Variants in NRG3 observed in about 807,000 individuals in gnomAD.
The protein encoded by NRG3 is pro-neuregulin-3, membrane-bound isoform.
Under a neutral mutation model 66.9 loss-of-function variants are expected in NRG3, and 31 were observed. The observed-to-expected ratio is 0.46, with a 90% CI of 0.35 to 0.63. NRG3 has a LOEUF of 0.63. Ranked by LOEUF, NRG3 falls within the 20% of genes least tolerant of loss-of-function variation. NRG3 has a pLI of 0.00. For synonymous variants in NRG3, 393 were observed against 359.4 expected (o/e 1.09, Z -1.06); for missense variants, 910 against 878.9 (o/e 1.04, Z -0.45).
intron 1 of NRG3, among the ~76,000 whole-genome samples, chr10:82,305,096 G>T (rs1433560710): frequency 7.2e-6 from 1 of 138,278 alleles, no homozygotes. Flanking sequence ...CTGGGTTCAC[G>T]CCATTCTCCT....
chr10:82,760,897 A>G (rs2059277625), intron 3 of NRG3, among the ~76,000 whole-genome samples: 1 of 151,960 alleles, frequency 6.6e-6, no homozygotes, highest in Non-Finnish European at 1.5e-5. Flanking sequence ...TAAACTAAGT[A>G]TATATTGTAA....
chr10:82,068,574 C>T (rs753931288), intron 1 of NRG3, among the ~76,000 whole-genome samples: 15 of 152,084 alleles, frequency 9.9e-5, no homozygotes, highest in Non-Finnish European at 4.4e-5. Context: ...GCACAGGATG[C>T]TGTAAGAACA....
intron 3 of NRG3, among the ~76,000 whole-genome samples, chr10:82,751,029 C>T (rs1056730569): frequency 2.0e-4 from 30 of 152,208 alleles, no homozygotes; most frequent in African/African-American, 5.1e-4. Flanking sequence ...GTACATGATA[C>T]GCACTTGACA....
chr10:82,248,440 C>G (rs1172682297), intron 1 of NRG3, among the ~76,000 whole-genome samples: 1 of 152,120 alleles, frequency 6.6e-6, no homozygotes, highest in Admixed American at 6.5e-5. Context: ...CGTGAGAGAG[C>G]AGAGTGGAGA....
At chr10:82,442,784 ATTTTTTTTTTTT>A (rs61261285) in intron 2 of NRG3, among the ~76,000 whole-genome samples, 21 of 54,278 alleles carry the variant, frequency 3.9e-4, no homozygotes, top group African/African-American at 1.2e-3. Flanking sequence ...TTCTGTGTGG[ATTTTTTTTTTTT>A]TTTTTTTTTT....
chr10:81,965,321 G>A (rs2059691029), intron 1 of NRG3, among the ~76,000 whole-genome samples: 1 of 152,142 alleles, frequency 6.6e-6, no homozygotes, highest in Non-Finnish European at 1.5e-5. Context: ...TAGATGTGGG[G>A]ACTTAGACAA....
intron 2 of NRG3, among the ~76,000 whole-genome samples, chr10:82,402,944 C>CT (rs1462693281): frequency 3.3e-5 from 5 of 152,164 alleles, no homozygotes; most frequent in African/African-American, 9.6e-5. Flanking sequence ...GAGTTTTTAA[C>CT]TTTTTTTAAA....
intron 3 of NRG3, among the ~76,000 whole-genome samples, chr10:82,783,117 C>T (rs1169890934): frequency 6.6e-6 from 1 of 152,092 alleles, no homozygotes; most frequent in East Asian, 1.9e-4. Context: ...CCACGACTAT[C>T]TCAATAGATA....
rs569594323 is a variant in NRG3, at chr10:82,941,139, A to C, written c.1055-10330A>C. Reference sequence around the variant, plus strand: ...GACTGGAGGCCCCCCACCCCCAGGCAGCTTTCTCAGGGTTGCTTGTAGCAA... The same window carrying C: ...GACTGGAGGCCCCCCACCCCCAGGCCGCTTTCTCAGGGTTGCTTGTAGCAA... On this transcript the variant is annotated intron_variant, in intron 4 of 8. Coordinates refer to ENST00000372141, the MANE Select transcript of NRG3 (RefSeq NM_001010848.4). Among the ~76,000 whole-genome samples, 13 of 152,114 alleles carry C rather than the reference A, an allele frequency of 8.5e-5. No homozygotes were observed. In the South Asian group the frequency reaches 2.7e-3, roughly 32 times the overall value.
intron 1 of NRG3, among the ~76,000 whole-genome samples, chr10:82,291,941 G>T (rs1198009477): frequency 6.6e-6 from 1 of 152,056 alleles, no homozygotes; most frequent in African/African-American, 2.4e-5. Flanking sequence ...CTTGACACCA[G>T]ACTCAATACA....
At chr10:82,835,579 T>C (rs961425054) in intron 3 of NRG3, among the ~76,000 whole-genome samples, 4 of 152,132 alleles carry the variant, frequency 2.6e-5, no homozygotes, top group East Asian at 3.9e-4. Context: ...TCTTACAGTC[T>C]CAATCCCTCA....
chr10:82,532,601 A>G (rs1735213549), intron 2 of NRG3, among the ~76,000 whole-genome samples: 1 of 148,126 alleles, frequency 6.8e-6, no homozygotes, highest in Non-Finnish European at 1.5e-5. Context: ...ATATATGTAT[A>G]TATGTATATA....
intron 2 of NRG3, among the ~76,000 whole-genome samples, chr10:82,506,735 T>A (rs934859706): frequency 1.3e-5 from 2 of 152,140 alleles, no homozygotes; most frequent in African/African-American, 4.8e-5. Flanking sequence ...AGTCTAACAA[T>A]TTTTTATGCA....
intron 1 of NRG3, among the ~76,000 whole-genome samples, chr10:81,902,944 A>C (rs767646963): frequency 6.6e-5 from 10 of 152,208 alleles, no homozygotes; most frequent in Non-Finnish European, 1.3e-4. Context: ...TGTAAACAAC[A>C]TCTCACTCAG....
intron 1 of NRG3, among the ~76,000 whole-genome samples, chr10:82,199,124 T>G (rs1161154696): frequency 1.3e-5 from 2 of 149,908 alleles, no homozygotes; most frequent in Admixed American, 6.7e-5. Context: ...AGCTGAGACC[T>G]TGCTACCCCT....
intron 2 of NRG3, among the ~76,000 whole-genome samples, chr10:82,691,078 G>A (rs2134201204): frequency 6.6e-6 from 1 of 151,910 alleles, no homozygotes; most frequent in East Asian, 1.9e-4. Flanking sequence ...AGTGGCTTAT[G>A]ATGCACCCGA....
chr10:82,715,699 T>G lies in NRG3; in HGVS notation c.954-22878T>G, dbSNP rs113159001. Among the ~76,000 whole-genome samples, 766 of 152,318 alleles carry G rather than the reference T, an allele frequency of 5.0e-3. 6 individuals are homozygous for G. The highest frequency in any genetic ancestry group is 0.018 in the African/African-American group (732 of 41,564). The stretch of plus-strand genomic sequence containing the variant: ...AACGAATTTGTGTCAAATCTTTGCC[T>G]TGAAGTGATACAGTGTCACTGGAAG... On this transcript the variant is annotated intron_variant, in intron 2 of 8. Coordinates refer to ENST00000372141, the MANE Select transcript of NRG3 (RefSeq NM_001010848.4).
intron 2 of NRG3, among the ~76,000 whole-genome samples, chr10:82,509,193 C>A (rs532587605): frequency 5.9e-5 from 9 of 152,136 alleles, no homozygotes; most frequent in African/African-American, 9.7e-5. Context: ...CCTTGCCATA[C>A]TTCTACTCTG....
intron 1 of NRG3, among the ~76,000 whole-genome samples, chr10:82,161,080 C>T (rs1022742226): frequency 3.3e-5 from 5 of 151,780 alleles, no homozygotes; most frequent in East Asian, 3.9e-4. Context: ...TGGGAAAGAA[C>T]AAGGTATAGG....
Sources: allele counts gnomAD v4.1 joint callset (sites outside exome capture counted in the v4.1 genomes callset), GRCh38; gene constraint gnomAD v4.1.1; transcripts MANE v1.5; gene names NCBI Gene and HGNC (gene_info 2026-07-23, HGNC 2026-07-21).